The following CAPNS1 variants were observed in gnomAD, a reference collection of about 807,000 sequenced individuals.
CAPNS1 encodes calpain small subunit 1, also known as CANP small subunit.
CAPNS1 carries 32 observed loss-of-function variants against 39.2 expected under a neutral mutation model. That is an observed-to-expected ratio of 0.82 (90% CI 0.62 to 1.10). The LOEUF is 1.10. Ranked by LOEUF, CAPNS1 falls within the 50% of genes least tolerant of loss-of-function variation. The pLI, the probability that CAPNS1 is intolerant of heterozygous loss-of-function variation, is 0.00. For missense variants in CAPNS1, 353 were observed against 373.1 expected (o/e 0.95, Z 0.44); for synonymous variants, 153 against 136.2 (o/e 1.12, Z -0.86).
chr19:36,140,137 G>C lies in CAPNS1; in HGVS notation c.-36G>C, dbSNP rs1211704508. 2 of 152,226 alleles carry C rather than the reference G, an allele frequency of 1.3e-5. No individual in the cohort carries two copies. Among genetic ancestry groups the C allele is most frequent in the Non-Finnish European group, 1.5e-5 (1 of 68,058 alleles). The allele number at this position is 152,226 out of a possible 1,614,324, so 9.4% of individuals were successfully genotyped here. A position where few individuals can be genotyped will look rare whatever the true frequency, so the allele number is the denominator to read the frequency against. ...GGAGCGGCAGTGGAACCGACTCCCA[G>C]AACTCCGGACGTGTGCGGCGGTAAG... On this transcript the variant is annotated 5_prime_UTR_variant, in exon 1 of 11. Transcript: ENST00000246533.
chr19:36,141,131 C>G lies in CAPNS1; in HGVS notation c.120C>G (p.Gly40=), dbSNP rs1345600760. The change falls in exon 2 of 11, where the codon GGC becomes GGG. Residue 40 remains glycine (G), a synonymous_variant. Coordinates refer to ENST00000246533, the MANE Select transcript of CAPNS1 (RefSeq NM_001749.4). ...TGATCAGCGGGGCCGGGGGCGGCGG[C>G]GGCGGCGGCGGCGGCGGCGGCGGTG... ...GGLISGAGGG[G]GGGGGGGGGG... The G allele has an allele frequency of 7.3e-7, 1 of 1,370,904 alleles. No individual in the cohort carries two copies. Among genetic ancestry groups the G allele is most frequent in the South Asian group, 1.8e-5 (1 of 55,784 alleles). 84.9% of individuals were successfully genotyped at this position (1,370,904 alleles called of 1,614,324 possible). A position where few individuals can be genotyped will look rare whatever the true frequency, so the allele number is the denominator to read the frequency against.
In CAPNS1 at chr19:36,145,808, C is replaced by T. The variant is rs373284254; in HGVS notation, c.459C>T (p.Ser153=). Residue 153 remains serine (S), a splice_region_variant and synonymous_variant, in exon 7 of 11, where the codon AGC becomes AGT. Coordinates refer to ENST00000246533, the MANE Select transcript of CAPNS1 (RefSeq NM_001749.4). ...TCRSMVAVMD[S]DTTGKLGFEE... Reference sequence around the variant, plus strand: ...TCTTCTTAACACCCTCCCACCAGAGCGACACCACAGGCAAGCTGGGCTTTG... The same window carrying T: ...TCTTCTTAACACCCTCCCACCAGAGTGACACCACAGGCAAGCTGGGCTTTG... 2.1e-5 allele frequency: 34 copies of T among 1,613,722 alleles called. No homozygotes were observed. The highest frequency in any genetic ancestry group is 2.0e-4 in the East Asian group (9 of 44,886).
Position 36,141,207 on chromosome 19 carries a change from A to G in CAPNS1, c.196A>G (p.Ile66Val). ...GTAMRILGGVISAISEAAAQY... is the reference protein window; with the variant it reads ...GTAMRILGGVVSAISEAAAQY... Reference sequence around the variant, plus strand: ...GGCCATGCGCATCCTAGGCGGAGTCATCAGCGCCATCAGGTAAGGCGGAGA... The same window carrying G: ...GGCCATGCGCATCCTAGGCGGAGTCGTCAGCGCCATCAGGTAAGGCGGAGA... Residue 66 changes from isoleucine (I) to valine (V), a missense_variant, in exon 2 of 11, where the codon ATC (isoleucine) becomes GTC (valine). Transcript: ENST00000246533. 2 of 1,495,620 alleles carry G rather than the reference A, an allele frequency of 1.3e-6. No homozygotes were observed. Among genetic ancestry groups the G allele is most frequent in the Non-Finnish European group, 1.8e-6 (2 of 1,128,830 alleles). The allele number at this position is 1,495,620 out of a possible 1,614,324, so 92.6% of individuals were successfully genotyped here.
At position 36,145,954 on chromosome 19, in the gene CAPNS1, C is replaced by T. The variant is rs1427590886; in HGVS notation, c.526-22C>T. On this transcript the variant is annotated intron_variant, in intron 7 of 10. Coordinates refer to ENST00000246533, the MANE Select transcript of CAPNS1 (RefSeq NM_001749.4). The stretch of plus-strand genomic sequence containing the variant: ...CTATGCCCCACAATGCTCACTTGGA[C>T]CCAATGTCTCTGTCCTCACAGGCCA... The T allele has an allele frequency of 5.0e-6, 8 of 1,613,754 alleles. No homozygotes were observed. The South Asian group carries it at 5.5e-5, about 11-fold the overall frequency.
intron 3 of CAPNS1, 22 bp downstream of exon 3, chr19:36,142,355 A>G: frequency 2.3e-6 from 3 of 1,328,392 alleles, no homozygotes; most frequent in Non-Finnish European, 3.1e-6. Context: ...CTGCAACCAG[A>G]CCCCCTTCTC....
chr19:36,142,742 G>T lies in CAPNS1; in HGVS notation c.333+1G>T. 1.2e-6 allele frequency: 2 copies of T among 1,613,688 alleles called. No individual in the cohort carries two copies. Among genetic ancestry groups the T allele is most frequent in the Non-Finnish European group, 1.7e-6 (2 of 1,179,596 alleles). ...ACTCTTTGCCCAGCTGGCTGGAGAT[G>T]TAAGTAACCTGGGGTCCCTGGCCCC... On this transcript the variant is annotated splice_donor_variant, in intron 4 of 10. Coordinates refer to ENST00000246533, the MANE Select transcript of CAPNS1 (RefSeq NM_001749.4). LOFTEE classifies it high-confidence loss of function.
Position 36,142,532 on chromosome 19 carries a change from A to T in CAPNS1, c.244-120A>T, listed in dbSNP as rs17878728. 4.9e-3 allele frequency: 3,868 copies of T among 787,184 alleles called. 120 individuals are homozygous for T. The Admixed American group carries it at 0.058, about 12-fold the overall frequency. 48.8% of individuals were successfully genotyped at this position (787,184 alleles called of 1,614,324 possible). ...TGCACCCCATTCACTACCACCCCTC[A>T]TTCTTTTCCTCATCAAGCTGCCCAG... On this transcript the variant is annotated intron_variant, in intron 3 of 10. Transcript: ENST00000246533.
chr19:36,149,061 G>C (rs1361389722), intron 9 of CAPNS1, among the ~76,000 whole-genome samples: 1 of 152,172 alleles, frequency 6.6e-6, no homozygotes, highest in African/African-American at 2.4e-5. Flanking sequence ...ATGGAGCATA[G>C]ATGTCAGTAG....
chr19:36,141,011 C>T lies in CAPNS1; in HGVS notation c.-1C>T. ...TTTCCCCCCAGCAGTGAGTCGCAGC[C>T]ATGTTCCTGGTTAACTCGTTCTTGA... On this transcript the variant is annotated 5_prime_UTR_variant, in exon 2 of 11. Transcript: ENST00000246533. 6.3e-7 allele frequency: 1 copy of T among 1,582,160 alleles called. No homozygotes were observed. Among genetic ancestry groups the T allele is most frequent in the East Asian group, 2.5e-5 (1 of 40,700 alleles).
chr19:36,142,264 C>A, intron 2 of CAPNS1, 36 bp from the exon 3 acceptor site: 1 of 1,523,976 alleles, frequency 6.6e-7, no homozygotes, highest in Non-Finnish European at 9.1e-7. Flanking sequence ...GAGGCCCCGC[C>A]CCTGGCACTA....
rs1040686697 is a variant in CAPNS1, at chr19:36,150,103, C to G, written c.*264C>G. 5.3e-6 allele frequency: 2 copies of G among 376,246 alleles called. No individual in the cohort carries two copies. Among genetic ancestry groups the G allele is most frequent in the African/African-American group, 4.2e-5 (2 of 48,046 alleles). 23.3% of individuals were successfully genotyped at this position (376,246 alleles called of 1,614,324 possible). ...TCCCACCAGGCCCTGCACACACCCACTCCGTAACCTCTCCCCTGTACCTGT... is the reference window on the plus strand; with the variant it reads ...TCCCACCAGGCCCTGCACACACCCAGTCCGTAACCTCTCCCCTGTACCTGT... On this transcript the variant is annotated 3_prime_UTR_variant, in exon 11 of 11. Transcript: ENST00000246533.
intron 6 of CAPNS1, 156 bp from the exon 7 acceptor site, chr19:36,145,650 A>G: frequency 1.7e-6 from 1 of 603,924 alleles, no homozygotes; most frequent in Non-Finnish European, 3.0e-6. Context: ...ATAAAATGAA[A>G]AATAAAACCG....
intron 4 of CAPNS1, 58 bp from the exon 5 acceptor site, chr19:36,142,851 A>C: frequency 6.2e-7 from 1 of 1,601,360 alleles, no homozygotes; most frequent in Non-Finnish European, 8.6e-7. Context: ...CCCATTCTCC[A>C]TGACATTCTC....
chr19:36,146,645 G>T (rs983405648), intron 9 of CAPNS1, among the ~76,000 whole-genome samples: 1 of 152,130 alleles, frequency 6.6e-6, no homozygotes, highest in Non-Finnish European at 1.5e-5. Flanking sequence ...AGCCTAGAGG[G>T]CAAATCCAAT....
At chr19:36,146,357 C>A in intron 9 of CAPNS1, 45 bp downstream of exon 9, 1 of 1,231,494 alleles carries the variant, frequency 8.1e-7, no homozygotes, top group Non-Finnish European at 1.2e-6. Flanking sequence ...ATTCCTATGA[C>A]CTCTATGGAC....
intron 2 of CAPNS1, chr19:36,141,698 C>G (rs895599795): frequency 3.2e-5 from 22 of 691,270 alleles, no homozygotes; most frequent in Non-Finnish European, 4.0e-5. Context: ...GGTAAATGGC[C>G]CAGAATGGGC....
In CAPNS1 at chr19:36,143,045, T is replaced by C; in HGVS notation, c.392-19T>C. 1 of 1,614,100 alleles carries C rather than the reference T, an allele frequency of 6.2e-7. No individual in the cohort carries two copies. Among genetic ancestry groups the C allele is most frequent in the Non-Finnish European group, 8.5e-7 (1 of 1,179,972 alleles). On this transcript the variant is annotated intron_variant, in intron 5 of 10. Transcript: ENST00000246533. The stretch of plus-strand genomic sequence containing the variant: ...AGGATTTGACCTCTGGCCTCTGACT[T>C]TCAACCTGTTACCCACAGACCCTGA...
rs202135116 is a variant in CAPNS1 at position 36,146,303 on chromosome 19, G to A, written c.712G>A (p.Ala238Thr). ...NFISCLVRLD[A>T]MFRAFKSLDK... Reference sequence around the variant, plus strand: ...CATCAGCTGCTTGGTCAGGCTGGACGCCATGTTCCGTGAGTGACAACCCAG... The same window carrying A: ...CATCAGCTGCTTGGTCAGGCTGGACACCATGTTCCGTGAGTGACAACCCAG... Residue 238 changes from alanine (A) to threonine (T), a missense_variant, in exon 9 of 11, where the codon GCC becomes ACC. Physicochemically the swap from Ala to Thr is moderately conservative, Grantham distance 58. Coordinates refer to ENST00000246533, the MANE Select transcript of CAPNS1 (RefSeq NM_001749.4). 1.8e-5 allele frequency: 29 copies of A among 1,609,040 alleles called. No homozygotes were observed. The highest frequency in any genetic ancestry group is 2.3e-5 in the Non-Finnish European group (27 of 1,175,596).
intron 1 of CAPNS1, 35 bp from the exon 2 acceptor site, chr19:36,140,962 G>A (rs761751963): frequency 6.3e-7 from 1 of 1,596,280 alleles, no homozygotes; most frequent in Non-Finnish European, 8.5e-7. Context: ...GGGCTCAGGG[G>A]CGAAGCACCC....
Sources: allele counts gnomAD v4.1 joint callset (sites outside exome capture counted in the v4.1 genomes callset), GRCh38; gene constraint gnomAD v4.1.1; transcripts MANE v1.5; gene names NCBI Gene and HGNC (gene_info 2026-07-23, HGNC 2026-07-21).